CACNG3: variants seen among roughly 807,000 people sequenced by gnomAD.
The protein encoded by CACNG3 is calcium voltage-gated channel auxiliary subunit gamma 3.
Under a neutral mutation model 28.5 loss-of-function variants are expected in CACNG3, and 3 were observed. The observed-to-expected ratio is 0.11, with a 90% confidence interval of 0.05 to 0.27. CACNG3 has a LOEUF of 0.27. Among genes scored for constraint, CACNG3 ranks in the 10% least tolerant of loss-of-function variants. The pLI is 1.00. For missense variants in CACNG3, 236 were observed against 414.4 expected, an observed-to-expected ratio of 0.57 and a Z score of 3.74; for synonymous variants, 174 against 162.2, an observed-to-expected ratio of 1.07 and a Z score of -0.55.
intron 1 of CACNG3, among the ~76,000 whole-genome samples, chr16:24,313,048 GGA>G (rs1417744437): frequency 3.7e-4 from 50 of 134,140 alleles, no homozygotes; most frequent in African/African-American, 8.8e-4. Context: ...AGAAAGAGAG[GGA>G]GAGAGAGAGA....
At chr16:24,279,035 C>T (rs1898786703) in intron 1 of CACNG3, among the ~76,000 whole-genome samples, 1 of 152,126 alleles carries the variant, frequency 6.6e-6, no homozygotes, top group Non-Finnish European at 1.5e-5. Context: ...GAGCCTAGGA[C>T]AGAAGCCAAA....
chr16:24,308,205 A>G (rs1899211660), intron 1 of CACNG3, among the ~76,000 whole-genome samples: 1 of 152,198 alleles, frequency 6.6e-6, no homozygotes, highest in African/African-American at 2.4e-5. Context: ...AAAAGTCTAT[A>G]AACGGTGGAA....
At chr16:24,300,527 T>C (rs1899094002) in intron 1 of CACNG3, among the ~76,000 whole-genome samples, 1 of 151,604 alleles carries the variant, frequency 6.6e-6, no homozygotes, top group Non-Finnish European at 1.5e-5. Context: ...TCCAAAACAC[T>C]GCAAGAGCCA....
intron 1 of CACNG3, among the ~76,000 whole-genome samples, chr16:24,309,508 C>T (rs1036782690): frequency 2.0e-5 from 3 of 152,208 alleles, no homozygotes; most frequent in Non-Finnish European, 4.4e-5. Context: ...CCACATGACT[C>T]ATTTGTCTTG....
At chr16:24,315,954 C>T (rs1198540658) in intron 1 of CACNG3, among the ~76,000 whole-genome samples, 4 of 152,140 alleles carry the variant, frequency 2.6e-5, no homozygotes, top group South Asian at 2.1e-4. Context: ...CCACTGTGCC[C>T]GGCCCATCAT....
At chr16:24,325,028 C>A (rs920969937) in intron 1 of CACNG3, among the ~76,000 whole-genome samples, 4 of 152,174 alleles carry the variant, frequency 2.6e-5, no homozygotes, top group Admixed American at 2.0e-4. Flanking sequence ...TCCTCCCCAT[C>A]CCCTTTGAAG....
rs533661723 is a variant in CACNG3 at position 24,280,190 on chromosome 16, T to C, written c.211+23225T>C. On this transcript the variant is annotated intron_variant, in intron 1 of 3. Transcript: ENST00000005284. ...AGTTTATTGGGTCGTGGAAAGCCAG[T>C]TGTGTGTAACCGTCATTTCAGCCCT... Among the ~76,000 whole-genome samples the C allele has an allele frequency of 5.9e-5, 9 of 152,286 alleles. No individual in the cohort carries two copies. In the East Asian group the frequency reaches 7.7e-4, roughly 13 times the overall value.
At chr16:24,287,545 GA>G (rs375013766) in intron 1 of CACNG3, among the ~76,000 whole-genome samples, 48 of 136,342 alleles carry the variant, frequency 3.5e-4, no homozygotes, top group Admixed American at 8.1e-4. Context: ...GGAAGAAAAA[GA>G]AAAAAAAAAT....
At chr16:24,360,889 C>T (rs1900095625) in intron 3 of CACNG3, among the ~76,000 whole-genome samples, 1 of 152,228 alleles carries the variant, frequency 6.6e-6, no homozygotes, top group Non-Finnish European at 1.5e-5. Flanking sequence ...CTCTCTCCTT[C>T]TCCTCCTGAA....
intron 1 of CACNG3, among the ~76,000 whole-genome samples, chr16:24,282,695 G>T (rs1227330808): frequency 6.6e-6 from 1 of 152,046 alleles, no homozygotes; most frequent in Non-Finnish European, 1.5e-5. Flanking sequence ...ATTTATCCAC[G>T]TTGAATTTAC....
At chr16:24,328,690 T>G (rs1899591976) in intron 1 of CACNG3, among the ~76,000 whole-genome samples, 5 of 152,096 alleles carry the variant, frequency 3.3e-5, no homozygotes, top group Admixed American at 3.3e-4. Flanking sequence ...GGTGAGGACC[T>G]GACGGCCCCG....
chr16:24,305,618 G>T (rs1157335787), intron 1 of CACNG3, among the ~76,000 whole-genome samples: 1 of 152,052 alleles, frequency 6.6e-6, no homozygotes, highest in Non-Finnish European at 1.5e-5. Context: ...GACACAGGGA[G>T]GAGAACATCA....
At chr16:24,356,974 T>C (rs2283558) in intron 3 of CACNG3, among the ~76,000 whole-genome samples, 81,785 of 151,760 alleles carry the variant, frequency 0.54, 22,628 homozygotes, top group South Asian at 0.63. Flanking sequence ...CATCAGATCA[T>C]GCCTGTAATC....
rs189334932 is a variant in CACNG3, at chr16:24,282,308, C to T, written c.211+25343C>T. 1.5e-3 allele frequency among the ~76,000 whole-genome samples: 235 copies of T among 152,204 alleles called. 4 individuals carry two copies. The highest frequency in any genetic ancestry group is 4.6e-4 in the Non-Finnish European group (31 of 68,022). The stretch of plus-strand genomic sequence containing the variant: ...TAATGTAGCTTGAGCGCTTAGGAAA[C>T]GTTTGGGAGGCCACACAGACTGAAG... On this transcript the variant is annotated intron_variant, in intron 1 of 3. Coordinates refer to ENST00000005284, the MANE Select transcript of CACNG3 (RefSeq NM_006539.4).
At chr16:24,271,503 A>G (rs1243202879) in intron 1 of CACNG3, among the ~76,000 whole-genome samples, 2 of 152,056 alleles carry the variant, frequency 1.3e-5, no homozygotes, top group East Asian at 3.9e-4. Context: ...CTCACCTTTC[A>G]TTGGCTCAGG....
intron 1 of CACNG3, among the ~76,000 whole-genome samples, chr16:24,278,558 G>C (rs908969468): frequency 1.3e-5 from 2 of 152,196 alleles, no homozygotes; most frequent in African/African-American, 4.8e-5. Flanking sequence ...GGAGGTTGCA[G>C]TGAGCCGAGA....
At chr16:24,292,371 T>C (rs1314469920) in intron 1 of CACNG3, among the ~76,000 whole-genome samples, 6 of 152,180 alleles carry the variant, frequency 3.9e-5, no homozygotes, top group East Asian at 3.9e-4. Context: ...TTCCTTCCCT[T>C]TGTTAAGTGA....
chr16:24,327,422 A>ATATGTGTG (rs1555461115), intron 1 of CACNG3, among the ~76,000 whole-genome samples: 8 of 101,762 alleles, frequency 7.9e-5, no homozygotes, highest in Middle Eastern at 5.9e-3. Context: ...GAATATATAT[A>ATATGTGTG]TGTGTGTGTG....
At chr16:24,275,227 T>C (rs923301631) in intron 1 of CACNG3, among the ~76,000 whole-genome samples, 3 of 152,044 alleles carry the variant, frequency 2.0e-5, no homozygotes, top group Non-Finnish European at 4.4e-5. Context: ...CTTTTTTCAA[T>C]GTGTTAAAAT....
Sources: gnomAD v4.1 joint callset for allele counts (sites outside exome capture counted in the v4.1 genomes callset) on GRCh38, gnomAD v4.1.1 for gene constraint, MANE v1.5 for transcripts, NCBI Gene and HGNC (gene_info 2026-07-23, HGNC 2026-07-21) for gene names.